NFAT5: variants seen among roughly 807,000 people sequenced by gnomAD.
NFAT5 encodes nuclear factor of activated T cells 5.
In NFAT5, 31 loss-of-function variants were observed where a neutral mutation model predicts 166.5. The observed-to-expected ratio is 0.19, with a 90% CI of 0.14 to 0.25. NFAT5 has a LOEUF of 0.25. Among genes scored for constraint, NFAT5 ranks in the 10% least tolerant of loss-of-function variants. NFAT5 has a pLI of 1.00. For missense variants in NFAT5, 1,449 were observed against 1,821.8 expected, an observed-to-expected ratio of 0.80 and a Z score of 3.72; for synonymous variants, 612 against 639.7, an observed-to-expected ratio of 0.96 and a Z score of 0.65.
At chr16:69,656,167 G>T (rs926139256) in intron 6 of NFAT5, among the ~76,000 whole-genome samples, 2 of 151,506 alleles carry the variant, frequency 1.3e-5, no homozygotes, top group Non-Finnish European at 2.9e-5. Context: ...TGTAATCCCA[G>T]CTACTTGGGA....
Position 69,655,655 on chromosome 16 carries a change from A to C in NFAT5, c.1052A>C (p.Asn351Thr). The change falls in exon 6 of 15, where the codon AAC (asparagine) becomes ACC (threonine). Residue 351 changes from asparagine to threonine, a missense_variant. Physicochemically the swap from Asn to Thr is moderately conservative, Grantham distance 65 (BLOSUM62 0). Transcript: ENST00000349945. ...GTAGTGTTGCAAGTGTTTGTGGGCA[A>C]CGACTCTGGACGAGTGAAACCACAT... ...EPVVLQVFVG[N>T]DSGRVKPHGF... 6.2e-7 allele frequency: 1 copy of C among 1,613,012 alleles called. No homozygotes were observed. The highest frequency in any genetic ancestry group is 8.5e-7 in the Non-Finnish European group (1 of 1,179,304).
chr16:69,586,902 A>G (rs570263092), intron 2 of NFAT5, among the ~76,000 whole-genome samples: 2 of 152,236 alleles, frequency 1.3e-5, no homozygotes, highest in Non-Finnish European at 2.9e-5. Context: ...GAAACTGTAA[A>G]CCCTACTAAG....
Position 69,692,909 on chromosome 16 carries a change from A to C in NFAT5, c.3084A>C (p.Gln1028His), listed in dbSNP as rs750180525. The C allele has an allele frequency of 6.2e-7, 1 of 1,614,206 alleles. No individual in the cohort carries two copies. The highest frequency in any genetic ancestry group is 2.2e-5 in the East Asian group (1 of 44,888). Reference protein sequence around the residue: ...IQNSVFQTMVQMQHSGDNQPQ... With the variant: ...IQNSVFQTMVHMQHSGDNQPQ... ...ACAGTGTCTTTCAGACCATGGTCCA[A>C]ATGCAACATAGTGGGGACAATCAAC... Residue 1028 changes from glutamine (Q) to histidine (H), a missense_variant, in exon 13 of 15, where the codon CAA (glutamine) becomes CAC (histidine). Gln to His is a conservative substitution (Grantham distance 24). Around this residue, in one of 7 missense-constraint regions of NFAT5, gnomAD observed 891 missense variants for 993.0 expected, o/e 0.90. Transcript: ENST00000349945.
intron 3 of NFAT5, among the ~76,000 whole-genome samples, chr16:69,643,564 C>T (rs149793378): frequency 1.3e-5 from 2 of 151,906 alleles, no homozygotes; most frequent in East Asian, 3.9e-4. Context: ...TACCTCTAGA[C>T]TCTTAGTATT....
At chr16:69,649,488 T>C (rs1184049681) in intron 4 of NFAT5, 2 of 983,954 alleles carry the variant, frequency 2.0e-6, no homozygotes, top group Admixed American at 6.2e-5. Flanking sequence ...TATAATGACA[T>C]TGGTCAAGAC....
chr16:69,574,904 T>G lies in NFAT5; in HGVS notation c.127+6356T>G, dbSNP rs1339903274. Among the ~76,000 whole-genome samples, 5 of 152,232 alleles carry G rather than the reference T, an allele frequency of 3.3e-5. No individual in the cohort carries two copies. In the East Asian group the frequency reaches 9.7e-4, roughly 29 times the overall value. On this transcript the variant is annotated intron_variant, in intron 2 of 14. Transcript: ENST00000349945. ...CCAGGATGGTCTCGAACTCCTGACC[T>G]CGGGTGATCTGCCTCCCTCAGCCTC...
chr16:69,614,412 C>T (rs2033844427), intron 2 of NFAT5, among the ~76,000 whole-genome samples: 1 of 152,170 alleles, frequency 6.6e-6, no homozygotes. Context: ...AAATTGAGAT[C>T]TTATAATATG....
chr16:69,661,970 C>T (rs1198006341), intron 7 of NFAT5, among the ~76,000 whole-genome samples: 1 of 152,084 alleles, frequency 6.6e-6, no homozygotes, highest in African/African-American at 2.4e-5. Flanking sequence ...CACCTATAAT[C>T]GGAGCACTTT....
intron 7 of NFAT5, among the ~76,000 whole-genome samples, chr16:69,663,717 A>G (rs2036247111): frequency 1.3e-5 from 2 of 152,046 alleles, no homozygotes; most frequent in African/African-American, 4.8e-5. Context: ...ACACAAAAAA[A>G]ATGTTTTAAG....
intron 2 of NFAT5, among the ~76,000 whole-genome samples, chr16:69,616,870 C>T (rs2033970034): frequency 1.3e-5 from 2 of 151,910 alleles, no homozygotes; most frequent in Admixed American, 1.3e-4. Context: ...CCTTCCCCCT[C>T]CCCTCTAGGC....
intron 2 of NFAT5, among the ~76,000 whole-genome samples, chr16:69,578,244 AC>A (rs1478059155): frequency 5.3e-5 from 8 of 152,226 alleles, no homozygotes; most frequent in African/African-American, 1.9e-4. Flanking sequence ...TCCAACAGAT[AC>A]CAAGGGACGA....
intron 2 of NFAT5, among the ~76,000 whole-genome samples, chr16:69,589,055 C>G (rs1312036641): frequency 7.8e-6 from 1 of 127,524 alleles, no homozygotes; most frequent in Admixed American, 9.8e-5. Flanking sequence ...AGTGCAATGG[C>G]ACAATCTTGG....
At chr16:69,666,314 A>G (rs1300175707) in intron 7 of NFAT5, among the ~76,000 whole-genome samples, 5 of 152,038 alleles carry the variant, frequency 3.3e-5, no homozygotes, top group African/African-American at 1.2e-4. Flanking sequence ...GCCAAAATTG[A>G]CAAATGGGAT....
At chr16:69,603,446 T>C (rs567644904) in intron 2 of NFAT5, among the ~76,000 whole-genome samples, 44 of 152,274 alleles carry the variant, frequency 2.9e-4, no homozygotes, top group African/African-American at 1.0e-3. Context: ...ATTTATATGA[T>C]GCATTGTTGG....
At chr16:69,588,899 G>A (rs2032271146) in intron 2 of NFAT5, among the ~76,000 whole-genome samples, 1 of 146,188 alleles carries the variant, frequency 6.8e-6, no homozygotes, top group Non-Finnish European at 1.5e-5. Context: ...GTTTACCACT[G>A]TCTAGTTTTG....
At chr16:69,569,065 A>G (rs1270676983) in intron 2 of NFAT5, among the ~76,000 whole-genome samples, 1 of 152,216 alleles carries the variant, frequency 6.6e-6, no homozygotes, top group Admixed American at 6.5e-5. Flanking sequence ...TGCTTAGAAG[A>G]AAGGGGTTTA....
Position 69,568,557 on chromosome 16 carries a change from A to G in NFAT5, c.127+9A>G, listed in dbSNP as rs770398841. 6.2e-7 allele frequency: 1 copy of G among 1,609,454 alleles called. No individual in the cohort carries two copies. Among genetic ancestry groups the G allele is most frequent in the South Asian group, 1.1e-5 (1 of 90,512 alleles). On this transcript the variant is annotated intron_variant, in intron 2 of 14. Transcript: ENST00000349945. ...AGCTGGACTATTGGAAGGTCAGCAA[A>G]GTACCATTTTAAAGCATATTGTGTT...
At chr16:69,568,136 AACCCCGTC>A (rs1380789331) in intron 1 of NFAT5, among the ~76,000 whole-genome samples, 1 of 152,046 alleles carries the variant, frequency 6.6e-6, no homozygotes, top group East Asian at 1.9e-4. Context: ...AATTTGGAGA[AACCCCGTC>A]ACCCCGTCAC....
At chr16:69,669,538 C>CA (rs1245064530) in intron 7 of NFAT5, among the ~76,000 whole-genome samples, 3 of 151,450 alleles carry the variant, frequency 2.0e-5, no homozygotes, top group Non-Finnish European at 4.4e-5. Flanking sequence ...GAGTGAGACT[C>CA]AGTCTCAAAA....
Sources: gnomAD v4.1 joint callset for allele counts (sites outside exome capture counted in the v4.1 genomes callset) on GRCh38, gnomAD v4.1.1 for gene constraint, gnomAD v4.1.1 regional missense constraint, MANE v1.5 for transcripts, NCBI Gene and HGNC (gene_info 2026-07-23, HGNC 2026-07-21) for gene names.